The following NCS1 variants were observed in gnomAD, a reference collection of about 807,000 sequenced individuals.
NCS1 encodes frequenin homolog.
NCS1 carries 6 observed loss-of-function variants against 28.4 expected under a neutral mutation model. The ratio of observed to expected loss-of-function variants is 0.21; its 90% CI spans 0.12 to 0.42. NCS1 has a LOEUF of 0.42. NCS1 is among the 10% of genes least tolerant of loss of function. NCS1 has a pLI of 1.00. For synonymous variants in NCS1, 86 were observed against 99.3 expected, an observed-to-expected ratio of 0.87 and a Z score of 0.79; for missense variants, 131 against 241.4, an observed-to-expected ratio of 0.54 and a Z score of 3.03.
chr9:130,198,388 GC>G (rs1160243024), intron 1 of NCS1, among the ~76,000 whole-genome samples: 1 of 152,192 alleles, frequency 6.6e-6, no homozygotes, highest in African/African-American at 2.4e-5. Flanking sequence ...GCACTGTGAG[GC>G]CCGCCTGAGA....
intron 2 of NCS1, among the ~76,000 whole-genome samples, chr9:130,203,186 C>A (rs990573989): frequency 6.7e-6 from 1 of 148,432 alleles, no homozygotes; most frequent in Non-Finnish European, 1.5e-5. Flanking sequence ...GTTGCTCAGG[C>A]TGGAGTACAG....
At position 130,184,687 on chromosome 9, in the gene NCS1, G is replaced by C. The variant is rs782030121; in HGVS notation, c.64+11960G>C. ...CTGTCACCCAGGCTGGAGTGAAATG[G>C]TGCAATCTCGGCTCACTGCAACGTC... On this transcript the variant is annotated intron_variant, in intron 1 of 7. Coordinates refer to ENST00000372398, the MANE Select transcript of NCS1 (RefSeq NM_014286.4). Among the ~76,000 whole-genome samples, 35 of 151,978 alleles carry C rather than the reference G, an allele frequency of 2.3e-4. 1 individual carries two copies. Among genetic ancestry groups the C allele is most frequent in the Non-Finnish European group, 1.2e-4 (8 of 67,992 alleles).
chr9:130,207,789 G>A (rs781949928), intron 2 of NCS1, among the ~76,000 whole-genome samples: 5 of 152,192 alleles, frequency 3.3e-5, no homozygotes, highest in Non-Finnish European at 7.3e-5. Context: ...GCATCCCACG[G>A]TGCCAGCTCC....
rs1833083732 is a variant in NCS1 at position 130,209,621 on chromosome 9, C to T, written c.90-8211C>T. Among the ~76,000 whole-genome samples, 1 of 152,116 alleles carries T rather than the reference C, an allele frequency of 6.6e-6. No homozygotes were observed. Among genetic ancestry groups the T allele is most frequent in the South Asian group, 2.1e-4 (1 of 4,828 alleles). ...GGACGAGGGCATTCACCCAGCCTGGCGCCGTGTTGGGGAAGAGAAGGTGGG... is the reference window on the plus strand; with the variant it reads ...GGACGAGGGCATTCACCCAGCCTGGTGCCGTGTTGGGGAAGAGAAGGTGGG... On this transcript the variant is annotated intron_variant, in intron 2 of 7. Transcript: ENST00000372398. The surrounding 1 kb of genome is among the most constrained non-coding windows in gnomAD (Gnocchi z 4.4).
intron 4 of NCS1, among the ~76,000 whole-genome samples, chr9:130,221,833 A>T (rs1260736813): frequency 3.8e-5 from 4 of 105,576 alleles, no homozygotes; most frequent in Non-Finnish European, 7.6e-5. Flanking sequence ...TGTATATATA[A>T]ATATATATAC....
chr9:130,172,832 T>A, intron 1 of NCS1, 105 bp downstream of exon 1: 2 of 375,870 alleles, frequency 5.3e-6, no homozygotes, highest in Non-Finnish European at 7.5e-6. Flanking sequence ...CGCTGCCGCC[T>A]CCGCTCCGTC....
intron 2 of NCS1, among the ~76,000 whole-genome samples, chr9:130,207,162 A>G (rs1464641072): frequency 1.3e-5 from 2 of 152,198 alleles, no homozygotes; most frequent in Non-Finnish European, 2.9e-5. Flanking sequence ...GTGGTGCCAC[A>G]GCCTCGGCCT....
In NCS1 at chr9:130,172,659, C is replaced by G. The variant is rs1832498907; in HGVS notation, c.-5C>G. On this transcript the variant is annotated 5_prime_UTR_variant, in exon 1 of 8. Coordinates refer to ENST00000372398, the MANE Select transcript of NCS1 (RefSeq NM_014286.4). The stretch of plus-strand genomic sequence containing the variant: ...CCGGGGGGGCGGGGGCCGCGGCCGC[C>G]GAGGATGGGGAAATCCAACAGCAAG... 1 of 1,474,760 alleles carries G rather than the reference C, an allele frequency of 6.8e-7. No individual in the cohort carries two copies. The highest frequency in any genetic ancestry group is 3.0e-5 in the East Asian group (1 of 33,244). The allele number at this position is 1,474,760 out of a possible 1,614,324, so 91.4% of individuals were successfully genotyped here.
rs569725796 is a variant in NCS1, at chr9:130,180,712, C to T, written c.64+7985C>T. ...AGGGATGTTTGCACAGGGATCTGCA[C>T]GTAGTAGGTGCTCAGTAAATGCTCT... On this transcript the variant is annotated intron_variant, in intron 1 of 7. Coordinates refer to ENST00000372398, the MANE Select transcript of NCS1 (RefSeq NM_014286.4). This position sits in a 1 kb window ranked among gnomAD's most constrained non-coding sequence, Gnocchi z 4.5. 5.9e-5 allele frequency among the ~76,000 whole-genome samples: 9 copies of T among 152,242 alleles called. No homozygotes were observed. The highest frequency in any genetic ancestry group is 9.6e-5 in the African/African-American group (4 of 41,548).
rs181940047 is a variant in NCS1 at position 130,192,718 on chromosome 9, C to G, written c.65-8240C>G. On this transcript the variant is annotated intron_variant, in intron 1 of 7. Coordinates refer to ENST00000372398, the MANE Select transcript of NCS1 (RefSeq NM_014286.4). The surrounding 1 kb of genome is among the most constrained non-coding windows in gnomAD (Gnocchi z 4.8). ...TGCCGTGTGACTCCAGGGAGGTTCT[C>G]CCCCAGGAGCCGGTGCTGCAGTGAG... Among the ~76,000 whole-genome samples, 1 of 152,098 alleles carries G rather than the reference C, an allele frequency of 6.6e-6. No homozygotes were observed. Among genetic ancestry groups the G allele is most frequent in the East Asian group, 1.9e-4 (1 of 5,172 alleles).
intron 1 of NCS1, among the ~76,000 whole-genome samples, chr9:130,187,913 C>T (rs1554905814): frequency 6.6e-6 from 1 of 152,180 alleles, no homozygotes; most frequent in Non-Finnish European, 1.5e-5. Flanking sequence ...GTCTCCCACC[C>T]CTTCCTGGGG....
intron 1 of NCS1, among the ~76,000 whole-genome samples, 156 bp downstream of exon 1, chr9:130,172,883 C>T (rs1335337538): frequency 1.3e-5 from 2 of 149,470 alleles, no homozygotes; most frequent in Admixed American, 6.6e-5. Context: ...CGGAGGTTCC[C>T]GGGCCGCGCC....
chr9:130,183,030 G>A (rs540231019), intron 1 of NCS1, among the ~76,000 whole-genome samples: 494 of 152,318 alleles, frequency 3.2e-3, no homozygotes, highest in Non-Finnish European at 5.7e-3. Flanking sequence ...GGGTGTCCTC[G>A]CCTCTGCAGA....
At chr9:130,218,023 C>T in intron 3 of NCS1, 53 bp downstream of exon 3, 1 of 1,610,032 alleles carries the variant, frequency 6.2e-7, no homozygotes, top group South Asian at 1.1e-5. Context: ...CCTGTGGGTA[C>T]CCGCAGCGTC....
chr9:130,198,214 C>A (rs1832900189), intron 1 of NCS1, among the ~76,000 whole-genome samples: 1 of 152,194 alleles, frequency 6.6e-6, no homozygotes, highest in Non-Finnish European at 1.5e-5. Context: ...TAGTCATATG[C>A]CCTTCTCCCA....
At position 130,190,197 on chromosome 9, in the gene NCS1, A is replaced by G. The variant is rs535981330; in HGVS notation, c.65-10761A>G. ...GAACATGCATTCTGTGAGAACACAC[A>G]TACATTGAGCACCTACTATGTGCCA... is the stretch of plus-strand genomic sequence containing the variant. On this transcript the variant is annotated intron_variant, in intron 1 of 7. Transcript: ENST00000372398. Among the ~76,000 whole-genome samples, 10 of 152,266 alleles carry G rather than the reference A, an allele frequency of 6.6e-5. No individual in the cohort carries two copies. The East Asian group carries it at 1.9e-3, about 29-fold the overall frequency.
chr9:130,226,575 T>A lies in NCS1; in HGVS notation c.*17+71T>A. 1.7e-6 allele frequency: 2 copies of A among 1,166,380 alleles called. No individual in the cohort carries two copies. The highest frequency in any genetic ancestry group is 2.5e-6 in the Non-Finnish European group (2 of 800,536). 72.3% of individuals were successfully genotyped at this position (1,166,380 alleles called of 1,614,324 possible). ...GGTGAAAACCCAGCAGCAGGACACC[T>A]ACGGTTGGCAGGTAATTACCTGGGT... On this transcript the variant is annotated intron_variant, in intron 7 of 7. Coordinates refer to ENST00000372398, the MANE Select transcript of NCS1 (RefSeq NM_014286.4). This position sits in a 1 kb window ranked among gnomAD's most constrained non-coding sequence, Gnocchi z 4.8.
At chr9:130,187,665 C>A (rs893068974) in intron 1 of NCS1, among the ~76,000 whole-genome samples, 5 of 152,202 alleles carry the variant, frequency 3.3e-5, no homozygotes, top group African/African-American at 4.8e-5. Flanking sequence ...CCTGGTGCCA[C>A]CGTTGCCCAG....
At chr9:130,213,247 AGGGT>A (rs1419802183) in intron 2 of NCS1, among the ~76,000 whole-genome samples, 1 of 151,986 alleles carries the variant, frequency 6.6e-6, no homozygotes, top group Non-Finnish European at 1.5e-5. Context: ...CCATACACAG[AGGGT>A]GGGAGCACAT....
Sources: gnomAD v4.1 joint callset for allele counts (sites outside exome capture counted in the v4.1 genomes callset) on GRCh38, gnomAD v4.1.1 for gene constraint, Gnocchi (gnomAD v3.1) non-coding constraint, MANE v1.5 for transcripts, NCBI Gene and HGNC (gene_info 2026-07-23, HGNC 2026-07-21) for gene names.